Variants in ADAMTSL1 observed in about 807,000 individuals in gnomAD.
ADAMTSL1 encodes ADAMTS like 1, also known as ADAMTS-like protein 1.
A neutral mutation model predicts 201.8 loss-of-function variants in ADAMTSL1; 126 were observed. That is an observed-to-expected ratio of 0.62 (90% CI 0.54 to 0.72). The LOEUF is 0.72. Ranked by LOEUF, ADAMTSL1 falls within the 30% of genes least tolerant of loss-of-function variation. The pLI is 0.00. For missense variants in ADAMTSL1, 2,679 were observed against 2,277.8 expected (o/e 1.18, Z -3.59); for synonymous variants, 1,121 against 903.4 (o/e 1.24, Z -4.32).
intron 4 of ADAMTSL1, among the ~76,000 whole-genome samples, chr9:18,577,728 T>C (rs951650326): frequency 2.6e-5 from 4 of 152,152 alleles, no homozygotes; most frequent in African/African-American, 9.7e-5. Flanking sequence ...AACTAGTGGT[T>C]CCCTGTATAA....
chr9:18,570,847 A>G (rs912844348), intron 3 of ADAMTSL1, among the ~76,000 whole-genome samples: 1 of 152,250 alleles, frequency 6.6e-6, no homozygotes, highest in Non-Finnish European at 1.5e-5. Context: ...AAAGATGCTC[A>G]TAAGCATTAT....
chr9:18,535,571 C>T (rs1460153766), intron 3 of ADAMTSL1, among the ~76,000 whole-genome samples: 6 of 152,176 alleles, frequency 3.9e-5, no homozygotes, highest in Non-Finnish European at 7.3e-5. Flanking sequence ...CAGCACCCCA[C>T]TCCTGATACC....
At chr9:18,170,345 T>C (rs1827834054) in intron 2 of ADAMTSL1, among the ~76,000 whole-genome samples, 1 of 152,078 alleles carries the variant, frequency 6.6e-6, no homozygotes, top group Non-Finnish European at 1.5e-5. Flanking sequence ...GATGTATATG[T>C]ATTTCTCAGA....
intron 2 of ADAMTSL1, among the ~76,000 whole-genome samples, chr9:18,445,269 A>G (rs1368220755): frequency 6.6e-6 from 1 of 152,180 alleles, no homozygotes; most frequent in Non-Finnish European, 1.5e-5. Context: ...TGTCACCACC[A>G]TTAAGCATCA....
chr9:18,687,759 CT>C (rs1225955803), intron 13 of ADAMTSL1, among the ~76,000 whole-genome samples: 1 of 152,116 alleles, frequency 6.6e-6, no homozygotes, highest in Non-Finnish European at 1.5e-5. Flanking sequence ...GAAGTAACCG[CT>C]TTAAGATGTT....
Position 18,356,551 on chromosome 9 carries a change from A to G in ADAMTSL1, c.208-148278A>G, listed in dbSNP as rs1011925476. 1.3e-4 allele frequency among the ~76,000 whole-genome samples: 18 copies of G among 134,246 alleles called. No homozygotes were observed. The East Asian group carries it at 3.7e-3, about 28-fold the overall frequency. The allele number at this position is 134,246 out of a possible 152,430, so 88.1% of individuals were successfully genotyped here. On this transcript the variant is annotated intron_variant, in intron 2 of 29. Coordinates refer to the ADAMTSL1 transcript ENST00000680146. ...TTAAAAAAAAAAAAAAAAAAAAAAAAGGCTATCATCTGCAGCCTAAAAAAT... is the reference window on the plus strand; with the variant it reads ...TTAAAAAAAAAAAAAAAAAAAAAAAGGGCTATCATCTGCAGCCTAAAAAAT...
chr9:18,887,233 G>A (rs903534709), intron 23 of ADAMTSL1, among the ~76,000 whole-genome samples: 4 of 152,186 alleles, frequency 2.6e-5, no homozygotes, highest in East Asian at 1.9e-4. Context: ...AAATATGTTT[G>A]ATGGCTCTGT....
At chr9:18,873,100 G>T (rs1005672768) in intron 23 of ADAMTSL1, among the ~76,000 whole-genome samples, 1 of 152,184 alleles carries the variant, frequency 6.6e-6, no homozygotes, top group East Asian at 1.9e-4. Context: ...TCAAAAGTTT[G>T]TTGGCCATTT....
At chr9:18,223,460 G>A (rs1412411125) in intron 2 of ADAMTSL1, among the ~76,000 whole-genome samples, 2 of 151,644 alleles carry the variant, frequency 1.3e-5, no homozygotes, top group South Asian at 2.1e-4. Flanking sequence ...CCATCTTTTT[G>A]CTTCTTTTGT....
intron 1 of ADAMTSL1, among the ~76,000 whole-genome samples, chr9:18,109,833 G>A (rs473309): frequency 0.53 from 80,043 of 152,030 alleles, 21,520 homozygotes; most frequent in East Asian, 0.8. Context: ...GGAGTAACCT[G>A]TAGTCACACC....
intron 4 of ADAMTSL1, among the ~76,000 whole-genome samples, chr9:18,584,369 C>A (rs920319345): frequency 4.0e-5 from 6 of 151,510 alleles, no homozygotes; most frequent in African/African-American, 1.5e-4. Flanking sequence ...ATTGTGAGGC[C>A]CCCCCCAGCC....
chr9:18,438,227 G>GA (rs34276523), intron 2 of ADAMTSL1, among the ~76,000 whole-genome samples: 160 of 143,948 alleles, frequency 1.1e-3, no homozygotes, highest in South Asian at 2.7e-3. Context: ...GAGAGATGGA[G>GA]AAAAAAAAAA....
At chr9:18,316,858 T>G (rs1444961747) in intron 2 of ADAMTSL1, among the ~76,000 whole-genome samples, 1 of 152,210 alleles carries the variant, frequency 6.6e-6, no homozygotes, top group African/African-American at 2.4e-5. Flanking sequence ...CTTCAGCCAG[T>G]CCCTCCGTTT....
intron 1 of ADAMTSL1, among the ~76,000 whole-genome samples, chr9:17,948,243 CAAGAGTGTT>C (rs1385047562): frequency 6.6e-6 from 1 of 152,168 alleles, no homozygotes. Flanking sequence ...ACCACTGTAG[CAAGAGTGTT>C]CCAACTCCTC....
chr9:18,694,287 C>T (rs895664685), intron 13 of ADAMTSL1, among the ~76,000 whole-genome samples: 3 of 152,074 alleles, frequency 2.0e-5, no homozygotes, highest in African/African-American at 7.2e-5. Flanking sequence ...AAATCTCATG[C>T]CCTTCTCATG....
intron 2 of ADAMTSL1, among the ~76,000 whole-genome samples, chr9:18,420,975 G>A (rs1222995981): frequency 3.3e-5 from 5 of 152,090 alleles, no homozygotes; most frequent in African/African-American, 7.2e-5. Context: ...GAGAAGGAAC[G>A]GAGGATAGGA....
chr9:18,353,591 G>T lies in ADAMTSL1; in HGVS notation c.208-151238G>T, dbSNP rs1836074464. 3.9e-5 allele frequency among the ~76,000 whole-genome samples: 6 copies of T among 152,252 alleles called. No homozygotes were observed. In the South Asian group the frequency reaches 1.2e-3, roughly 32 times the overall value. ...ATATTTTATGGGTTAAATATAGTTAGTAAGGAGGCCCATAAAGCTGTAACT... is the reference window on the plus strand; with the variant it reads ...ATATTTTATGGGTTAAATATAGTTATTAAGGAGGCCCATAAAGCTGTAACT... On this transcript the variant is annotated intron_variant, in intron 2 of 29. Coordinates refer to the ADAMTSL1 transcript ENST00000680146.
At chr9:18,491,254 T>A (rs1822258567) in intron 1 of ADAMTSL1, among the ~76,000 whole-genome samples, 2 of 152,326 alleles carry the variant, frequency 1.3e-5, no homozygotes, top group South Asian at 4.1e-4. Context: ...ATTCTTGATA[T>A]TTTCTGTGGC....
intron 4 of ADAMTSL1, among the ~76,000 whole-genome samples, chr9:18,605,449 C>T (rs1243516380): frequency 6.6e-6 from 1 of 152,210 alleles, no homozygotes; most frequent in Non-Finnish European, 1.5e-5. Flanking sequence ...ACTGGTGGAA[C>T]TATCAGAAAA....
Sources: allele counts gnomAD v4.1 joint callset (sites outside exome capture counted in the v4.1 genomes callset), GRCh38; gene constraint gnomAD v4.1.1; transcripts MANE v1.5; gene names NCBI Gene and HGNC (gene_info 2026-07-23, HGNC 2026-07-21).